Variants in EFCAB8 observed in about 807,000 individuals in gnomAD.
The protein encoded by EFCAB8 is EF-hand calcium-binding domain-containing protein 8.
In EFCAB8, 100 loss-of-function variants were observed where a neutral mutation model predicts 116.3. That is an observed-to-expected ratio of 0.86 (90% CI 0.73 to 1.02). The LOEUF is 1.02. EFCAB8 is among the 50% of genes least tolerant of loss of function. EFCAB8 has a pLI of 0.00. For synonymous variants in EFCAB8, 558 were observed against 567.9 expected (o/e 0.98, Z 0.25); for missense variants, 1,320 against 1,416.9 (o/e 0.93, Z 1.10).
chr20:32,897,572 A>G (rs1986223066), intron 10 of EFCAB8, among the ~76,000 whole-genome samples: 1 of 151,770 alleles, frequency 6.6e-6, no homozygotes, highest in Non-Finnish European at 1.5e-5. Context: ...GCCCCCGAGT[A>G]GCTGGGAATA....
intron 1 of EFCAB8, among the ~76,000 whole-genome samples, chr20:32,862,609 C>T (rs975225345): frequency 2.0e-5 from 3 of 152,006 alleles, no homozygotes; most frequent in Non-Finnish European, 4.4e-5. Context: ...CTTCTCCCTC[C>T]AGCTTGTACT....
chr20:32,946,409 T>G (rs1988597829), intron 23 of EFCAB8, among the ~76,000 whole-genome samples: 1 of 152,170 alleles, frequency 6.6e-6, no homozygotes, highest in Admixed American at 6.5e-5. Flanking sequence ...TGTTTTTTGT[T>G]TTTTTGGTTT....
chr20:32,928,910 T>A (rs1366165238), intron 20 of EFCAB8, among the ~76,000 whole-genome samples: 1 of 151,970 alleles, frequency 6.6e-6, no homozygotes, highest in Non-Finnish European at 1.5e-5. Context: ...TTTTTTAATT[T>A]TGTCAAATCG....
At chr20:32,888,285 G>A (rs1985737247) in intron 6 of EFCAB8, among the ~76,000 whole-genome samples, 1 of 152,080 alleles carries the variant, frequency 6.6e-6, no homozygotes, top group South Asian at 2.1e-4. Context: ...GAGTGCAGTG[G>A]TGTGATCTCA....
intron 2 of EFCAB8, 121 bp from the exon 3 acceptor site, chr20:32,867,461 A>G: frequency 1.9e-6 from 2 of 1,064,550 alleles, no homozygotes; most frequent in Non-Finnish European, 2.7e-6. Flanking sequence ...TCTGTCAGTG[A>G]CATCATAACA....
intron 5 of EFCAB8, among the ~76,000 whole-genome samples, chr20:32,880,657 T>A (rs1208533394): frequency 1.3e-5 from 2 of 152,226 alleles, no homozygotes; most frequent in Non-Finnish European, 2.9e-5. Flanking sequence ...CTGTATTTTT[T>A]AAACATTTAC....
intron 11 of EFCAB8, among the ~76,000 whole-genome samples, chr20:32,901,711 AG>A (rs1986436922): frequency 6.6e-6 from 1 of 152,240 alleles, no homozygotes; most frequent in African/African-American, 2.4e-5. Flanking sequence ...TGATTGAGAC[AG>A]AGTCTTGCTG....
At chr20:32,865,220 T>C (rs73904057) in intron 2 of EFCAB8, among the ~76,000 whole-genome samples, 3,965 of 152,254 alleles carry the variant, frequency 0.026, 66 homozygotes, top group South Asian at 0.053. Context: ...CTGAAAGTTA[T>C]GGAAGAGCTC....
intron 16 of EFCAB8, among the ~76,000 whole-genome samples, chr20:32,912,387 C>T (rs567832434): frequency 4.2e-4 from 63 of 151,112 alleles, no homozygotes; most frequent in African/African-American, 1.4e-3. Flanking sequence ...AGCCGAGATC[C>T]CGCCATCGCA....
chr20:32,861,715 A>G (rs1238796904), intron 1 of EFCAB8, among the ~76,000 whole-genome samples: 1 of 152,214 alleles, frequency 6.6e-6, no homozygotes, highest in African/African-American at 2.4e-5. Flanking sequence ...CCTGGGCAAC[A>G]TTGCAAGACC....
At chr20:32,875,109 T>C (rs546743308) in intron 3 of EFCAB8, among the ~76,000 whole-genome samples, 1 of 152,310 alleles carries the variant, frequency 6.6e-6, no homozygotes, top group African/African-American at 2.4e-5. Flanking sequence ...GTTAATTGTA[T>C]GGAAATGGGA....
At chr20:32,882,062 G>C (rs781333377) in intron 5 of EFCAB8, among the ~76,000 whole-genome samples, 1 of 152,152 alleles carries the variant, frequency 6.6e-6, no homozygotes, top group African/African-American at 2.4e-5. Flanking sequence ...GCTGGATGTG[G>C]TGGCAGGCAC....
At chr20:32,892,579 T>C (rs1055941163) in intron 8 of EFCAB8, among the ~76,000 whole-genome samples, 2 of 152,178 alleles carry the variant, frequency 1.3e-5, no homozygotes, top group African/African-American at 4.8e-5. Flanking sequence ...CTGAGGACTC[T>C]GGGGACATCA....
In EFCAB8 at chr20:32,908,483, C is replaced by T. The variant is rs1211065252; in HGVS notation, c.1446+71C>T. On this transcript the variant is annotated intron_variant, in intron 14 of 26. Coordinates refer to ENST00000400522, the MANE Select transcript of EFCAB8 (RefSeq NM_001143967.2). Reference sequence around the variant, plus strand: ...GGGCCAGGGTCTGAATCCCATGGGACACCCAAGGGGTGGCCACGTCCTGTC... The same window carrying T: ...GGGCCAGGGTCTGAATCCCATGGGATACCCAAGGGGTGGCCACGTCCTGTC... 11 of 1,241,962 alleles carry T rather than the reference C, an allele frequency of 8.9e-6. No individual in the cohort carries two copies. In the Admixed American group the frequency reaches 3.8e-4, roughly 43 times the overall value. The allele number at this position is 1,241,962 out of a possible 1,614,324, so 76.9% of individuals were successfully genotyped here. A position where few individuals can be genotyped will look rare whatever the true frequency, so the allele number is the denominator to read the frequency against.
rs1486567935 is a variant in EFCAB8, at chr20:32,892,872, ACT to A, written c.759-299_759-298del. Among the ~76,000 whole-genome samples, 5 of 136,416 alleles carry A rather than the reference ACT, an allele frequency of 3.7e-5. No homozygotes were observed. The Admixed American group carries it at 3.9e-4, about 11-fold the overall frequency. 89.5% of individuals were successfully genotyped at this position (136,416 alleles called of 152,430 possible). The stretch of plus-strand genomic sequence containing the variant: ...TCTTTTTTTTATGACTCAGAGTCTC[ACT>A]CTGTGTCCCAGGCTGGAGTGCAGTG... On this transcript the variant is annotated intron_variant, in intron 8 of 26. Coordinates refer to ENST00000400522, the MANE Select transcript of EFCAB8 (RefSeq NM_001143967.2).
At chr20:32,891,572 T>C (rs1158798511) in intron 7 of EFCAB8, among the ~76,000 whole-genome samples, 1 of 152,196 alleles carries the variant, frequency 6.6e-6, no homozygotes, top group Admixed American at 6.5e-5. Context: ...ATGGAGCAGC[T>C]GTCATCTGCT....
chr20:32,911,456 C>G, intron 15 of EFCAB8, 24 bp from the exon 16 acceptor site: 1 of 1,449,324 alleles, frequency 6.9e-7, no homozygotes, highest in South Asian at 1.5e-5. Flanking sequence ...TCTCCAGCAG[C>G]CCCCAGCTGT....
chr20:32,917,264 G>A, intron 17 of EFCAB8, 37 bp from the exon 18 acceptor site: 1 of 1,484,972 alleles, frequency 6.7e-7, no homozygotes, highest in Non-Finnish European at 9.2e-7. Context: ...ATTACAGGCT[G>A]AGCTCTCAGC....
intron 1 of EFCAB8, among the ~76,000 whole-genome samples, chr20:32,861,898 T>C (rs1461372992): frequency 6.6e-6 from 1 of 150,672 alleles, no homozygotes; most frequent in East Asian, 2.0e-4. Context: ...TGCACATGCA[T>C]ATATTCTTAA....
Sources: gnomAD v4.1 joint callset for allele counts (sites outside exome capture counted in the v4.1 genomes callset) on GRCh38, gnomAD v4.1.1 for gene constraint, MANE v1.5 for transcripts, NCBI Gene and HGNC (gene_info 2026-07-23, HGNC 2026-07-21) for gene names.